The following CD44 variants were observed in gnomAD, a reference collection of about 807,000 sequenced individuals.
The protein encoded by CD44 is CD44 molecule (IN blood group).
Under a neutral mutation model 88.8 loss-of-function variants are expected in CD44, and 49 were observed. The observed-to-expected ratio is 0.55, with a 90% CI of 0.44 to 0.70. The LOEUF (loss-of-function observed/expected upper bound fraction) is 0.70, where lower values mean the gene tolerates loss of function less well. Among genes scored for constraint, CD44 ranks in the 30% least tolerant of loss-of-function variants. The pLI is 0.00. For synonymous variants in CD44, 325 were observed against 312.3 expected, an observed-to-expected ratio of 1.04 and a Z score of -0.43; for missense variants, 883 against 913.8, an observed-to-expected ratio of 0.97 and a Z score of 0.43.
At chr11:35,195,433 A>G (rs1946648796) in intron 5 of CD44, among the ~76,000 whole-genome samples, 2 of 152,148 alleles carry the variant, frequency 1.3e-5, no homozygotes, top group Admixed American at 1.3e-4. Flanking sequence ...GAGGGGGGAT[A>G]CAGAGATTGC....
chr11:35,169,137 C>T (rs1050551393), intron 1 of CD44, among the ~76,000 whole-genome samples: 1 of 151,954 alleles, frequency 6.6e-6, no homozygotes, highest in Non-Finnish European at 1.5e-5. Flanking sequence ...TGCAGCCTGT[C>T]GGGGGTTGGG....
intron 1 of CD44, among the ~76,000 whole-genome samples, chr11:35,161,495 G>A (rs1483502824): frequency 6.6e-6 from 1 of 152,182 alleles, no homozygotes; most frequent in Non-Finnish European, 1.5e-5. Flanking sequence ...TAGATGTCAG[G>A]GGGTCAGGAG....
chr11:35,229,570 G>T lies in CD44; in HGVS notation c.*237G>T. ...ATTAATAATCAGCAAGAATTTGATCGTTCCAGTTCCCACTTGGAGGCCTTT... is the reference window on the plus strand; with the variant it reads ...ATTAATAATCAGCAAGAATTTGATCTTTCCAGTTCCCACTTGGAGGCCTTT... On this transcript the variant is annotated 3_prime_UTR_variant, in exon 18 of 18. Coordinates refer to ENST00000428726, the MANE Select transcript of CD44 (RefSeq NM_000610.4). 2.0e-6 allele frequency: 1 copy of T among 505,680 alleles called. No homozygotes were observed. The highest frequency in any genetic ancestry group is 2.4e-5 in the South Asian group (1 of 41,102). The allele number at this position is 505,680 out of a possible 1,614,324, so 31.3% of individuals were successfully genotyped here.
At chr11:35,147,436 T>C (rs949282524) in intron 1 of CD44, among the ~76,000 whole-genome samples, 1 of 152,144 alleles carries the variant, frequency 6.6e-6, no homozygotes, top group Admixed American at 6.6e-5. Context: ...TGGCCCAGCA[T>C]GTGACCATCC....
At chr11:35,205,389 A>T (rs1218060475) in intron 10 of CD44, among the ~76,000 whole-genome samples, 1 of 152,020 alleles carries the variant, frequency 6.6e-6, no homozygotes, top group South Asian at 2.1e-4. Context: ...AACATAGAAG[A>T]TAATGCATCA....
intron 3 of CD44, 102 bp from the exon 4 acceptor site, chr11:35,186,730 A>C (rs1317458849): frequency 4.4e-6 from 3 of 687,062 alleles, no homozygotes; most frequent in Non-Finnish European, 7.9e-6. Flanking sequence ...AGTTATTTGG[A>C]ATAAGTTATA....
intron 12 of CD44, among the ~76,000 whole-genome samples, chr11:35,208,492 C>G (rs1948100716): frequency 6.6e-6 from 1 of 152,184 alleles, no homozygotes; most frequent in Admixed American, 6.5e-5. Flanking sequence ...GTCAGTGAAA[C>G]ACATGCCCAC....
chr11:35,157,356 T>TATCTATC (rs1489617166), intron 1 of CD44, among the ~76,000 whole-genome samples: 2 of 151,336 alleles, frequency 1.3e-5, no homozygotes, highest in Non-Finnish European at 2.9e-5. Context: ...TCTATCTATC[T>TATCTATC]ATCTATCTAT....
In CD44 at chr11:35,154,651, C is replaced by G. The variant is rs1941616106; in HGVS notation, c.67+15281C>G. Among the ~76,000 whole-genome samples, 3 of 152,164 alleles carry G rather than the reference C, an allele frequency of 2.0e-5. 1 individual carries two copies. In the South Asian group the frequency reaches 6.2e-4, roughly 32 times the overall value. ...AACATCTTTCTCACTCACTTTTACT[C>G]AAATTGGCTTTATTGGGCAGGAGAG... is the stretch of plus-strand genomic sequence containing the variant. On this transcript the variant is annotated intron_variant, in intron 1 of 17. Transcript: ENST00000428726.
intron 11 of CD44, among the ~76,000 whole-genome samples, chr11:35,206,512 A>G (rs1312502244): frequency 6.6e-6 from 1 of 152,180 alleles, no homozygotes; most frequent in Non-Finnish European, 1.5e-5. Flanking sequence ...AGTAAGTAAT[A>G]GATATGAAAT....
intron 3 of CD44, among the ~76,000 whole-genome samples, chr11:35,185,598 A>G (rs973056217): frequency 4.6e-5 from 7 of 152,016 alleles, no homozygotes; most frequent in African/African-American, 1.7e-4. Context: ...CCATCCATCT[A>G]TCCATCCATC....
chr11:35,152,852 A>G (rs1399679051), intron 1 of CD44, among the ~76,000 whole-genome samples: 4 of 152,180 alleles, frequency 2.6e-5, no homozygotes, highest in Non-Finnish European at 5.9e-5. Context: ...TTGCTGGGAT[A>G]ACTCAATAAA....
chr11:35,196,198 T>C (rs10836340), intron 5 of CD44, among the ~76,000 whole-genome samples: 111,559 of 152,086 alleles, frequency 0.73, 41,770 homozygotes, highest in East Asian at 0.93. Context: ...CACAACTTTC[T>C]TGCCAAGTGA....
At position 35,229,409 on chromosome 11, in the gene CD44, T is replaced by A; in HGVS notation, c.*76T>A. 2 of 847,152 alleles carry A rather than the reference T, an allele frequency of 2.4e-6. No individual in the cohort carries two copies. Among genetic ancestry groups the A allele is most frequent in the Non-Finnish European group, 3.9e-6 (2 of 516,842 alleles). The allele number at this position is 847,152 out of a possible 1,614,324, so 52.5% of individuals were successfully genotyped here. ...ACAGGGAGCTGGGACACTTAACAGA[T>A]GCAATGTGCTACTGATTGTTTCATT... On this transcript the variant is annotated 3_prime_UTR_variant, in exon 18 of 18. Transcript: ENST00000428726.
chr11:35,171,069 C>G (rs528196760), intron 1 of CD44, among the ~76,000 whole-genome samples: 3 of 152,268 alleles, frequency 2.0e-5, no homozygotes, highest in African/African-American at 7.2e-5. Context: ...TAAAATAGAG[C>G]CTGGCATATA....
chr11:35,142,563 G>T (rs980685744), intron 1 of CD44, among the ~76,000 whole-genome samples: 2 of 152,134 alleles, frequency 1.3e-5, no homozygotes, highest in Non-Finnish European at 2.9e-5. Context: ...TCCGCCCCCT[G>T]CTGGGAGTTA....
At chr11:35,228,247 A>G (rs1206054556) in intron 17 of CD44, among the ~76,000 whole-genome samples, 2 of 152,246 alleles carry the variant, frequency 1.3e-5, no homozygotes, top group African/African-American at 4.8e-5. Flanking sequence ...GTCTTAAGTA[A>G]TGTTTGAGAA....
chr11:35,229,180 G>C lies in CD44; in HGVS notation c.2076G>C (p.Glu692Asp). The C allele has an allele frequency of 6.2e-7, 1 of 1,614,068 alleles. No homozygotes were observed. Among genetic ancestry groups the C allele is most frequent in the Non-Finnish European group, 8.5e-7 (1 of 1,179,948 alleles). The change falls in exon 18 of 18, where the codon GAG (glutamate) becomes GAC (aspartate). Residue 692 changes from glutamate to aspartate, a missense_variant. Around this residue, in one of 2 missense-constraint regions of CD44, gnomAD observed 631 missense variants for 590.9 expected, o/e 1.07. Coordinates refer to ENST00000428726, the MANE Select transcript of CD44 (RefSeq NM_000610.4). ...TCAACAGTGGCAATGGAGCTGTGGA[G>C]GACAGAAAGCCAAGTGGACTCAACG... is the stretch of plus-strand genomic sequence containing the variant. ...LVINSGNGAVEDRKPSGLNGE... is the reference protein window; with the variant it reads ...LVINSGNGAVDDRKPSGLNGE...
At chr11:35,193,979 C>T (rs542916303) in intron 5 of CD44, among the ~76,000 whole-genome samples, 21 of 152,204 alleles carry the variant, frequency 1.4e-4, no homozygotes, top group Non-Finnish European at 2.6e-4. Flanking sequence ...TCATCACAAA[C>T]TACCTGGGTA....
Sources: allele counts gnomAD v4.1 joint callset (sites outside exome capture counted in the v4.1 genomes callset), GRCh38; gene constraint gnomAD v4.1.1; regional missense constraint gnomAD v4.1.1; transcripts MANE v1.5; gene names NCBI Gene and HGNC (gene_info 2026-07-23, HGNC 2026-07-21).